MRAP: variants seen among roughly 807,000 people sequenced by gnomAD.
MRAP encodes melanocortin-2 receptor accessory protein.
Under a neutral mutation model 8.7 loss-of-function variants are expected in MRAP, and 8 were observed. The ratio of observed to expected loss-of-function variants is 0.92; its 90% CI spans 0.54 to 1.66. The LOEUF (loss-of-function observed/expected upper bound fraction) is 1.66, where lower values mean the gene tolerates loss of function less well. Ranked by LOEUF, MRAP falls within the 40% of genes most tolerant of loss-of-function variation. MRAP has a pLI of 0.00. For missense variants in MRAP, 237 were observed against 217.1 expected (o/e 1.09, Z -0.58); for synonymous variants, 95 against 95.5 (o/e 1.00, Z 0.03).
intron 1 of MRAP, among the ~76,000 whole-genome samples, chr21:32,304,974 T>G (rs1244450294): frequency 1.1e-4 from 8 of 70,172 alleles, no homozygotes; most frequent in African/African-American, 3.1e-4. Context: ...TGTTTTTTTT[T>G]TTTTTTTTTT....
intron 1 of MRAP, 76 bp downstream of exon 1, chr21:32,299,153 C>A: frequency 8.9e-7 from 1 of 1,118,374 alleles, no homozygotes; most frequent in South Asian, 1.3e-5. Flanking sequence ...TCCCGGCTTT[C>A]TCTGCATTCA....
At position 32,311,937 on chromosome 21, in the gene MRAP, G is replaced by A. The variant is rs755085204; in HGVS notation, c.460G>A (p.Val154Ile). The part of the protein sequence containing the change: ...WELTLNGGPL[V>I]RSKPSEPPPG... ...ACTGACCCTCAATGGGGGTCCCCTC[G>A]TCAGGAGCAAGCCCAGCGAGCCTCC... Residue 154 changes from valine to isoleucine, a missense_variant, in exon 3 of 3, where the codon GTC becomes ATC. By Grantham distance (29) the Val-to-Ile change is conservative. Transcript: ENST00000303645. 92 of 1,613,516 alleles carry A rather than the reference G, an allele frequency of 5.7e-5. 1 individual carries two copies. The East Asian group carries it at 1.4e-3, about 24-fold the overall frequency.
At chr21:32,305,928 G>C (rs939851394) in intron 1 of MRAP, among the ~76,000 whole-genome samples, 6 of 152,186 alleles carry the variant, frequency 3.9e-5, no homozygotes, top group Non-Finnish European at 7.3e-5. Context: ...AGGGCCCCAG[G>C]GGGGCTAAGT....
rs372166314 is a variant in MRAP, at chr21:32,299,040, C to G, written c.69C>G (p.Leu23=). 5 of 1,614,186 alleles carry G rather than the reference C, an allele frequency of 3.1e-6. No individual in the cohort carries two copies. The highest frequency in any genetic ancestry group is 4.2e-6 in the Non-Finnish European group (5 of 1,180,012). Residue 23 remains leucine, a synonymous_variant, in exon 1 of 3, where the codon CTC becomes CTG. Transcript: ENST00000303645. Reference sequence around the variant, plus strand: ...AATACTACCTGGACTATCTGGACCTCATTCCCGTGGACGAGAAGAAGCTGA... The same window carrying G: ...AATACTACCTGGACTATCTGGACCTGATTCCCGTGGACGAGAAGAAGCTGA... The part of the protein sequence containing the change: ...SYEYYLDYLD[L]IPVDEKKLKA...
In MRAP at chr21:32,311,892, C is replaced by A. The variant is rs1420294280; in HGVS notation, c.415C>A (p.His139Asn). The change falls in exon 3 of 3, where the codon CAC (histidine) becomes AAC (asparagine). Residue 139 changes from histidine (H) to asparagine (N), a missense_variant. By Grantham distance (68) the His-to-Asn change is moderately conservative. Transcript: ENST00000303645. ...STLPLGGFQT[H>N]PTLLWELTLN... ...CTTGCCCCTCGGGGGTTTCCAGACC[C>A]ACCCCACTCTCCTCTGGGAACTGAC... 1 of 1,614,020 alleles carries A rather than the reference C, an allele frequency of 6.2e-7. No individual in the cohort carries two copies.
intron 1 of MRAP, 97 bp downstream of exon 1, chr21:32,299,174 C>T: frequency 1.2e-6 from 1 of 858,454 alleles, no homozygotes; most frequent in East Asian, 2.6e-5. Flanking sequence ...CTTATTAACT[C>T]CGGTAGACAT....
At chr21:32,305,617 GA>G (rs754802500) in intron 1 of MRAP, among the ~76,000 whole-genome samples, 10 of 152,176 alleles carry the variant, frequency 6.6e-5, no homozygotes, top group Non-Finnish European at 1.3e-4. Context: ...TCTGAATCCT[GA>G]ACAGTCCCTC....
At chr21:32,311,635 T>C (rs2032574593) in intron 2 of MRAP, 49 bp from the exon 3 acceptor site, 1 of 1,601,194 alleles carries the variant, frequency 6.2e-7, no homozygotes, top group Non-Finnish European at 8.5e-7. Flanking sequence ...CAGTATGGAC[T>C]GTTCTGCAGC....
chr21:32,293,636 C>G (rs141834755), intron 2 of MRAP, among the ~76,000 whole-genome samples: 1 of 152,246 alleles, frequency 6.6e-6, no homozygotes, highest in East Asian at 1.9e-4. Flanking sequence ...TCCCTTCTAC[C>G]TTTCTCTCCA....
chr21:32,314,181 A>G, downstream of MRAP: 1 of 196,656 alleles, frequency 5.1e-6, no homozygotes, highest in South Asian at 9.4e-5. Context: ...TAGAAAAACA[A>G]ACTTTATTTT....
Position 32,300,548 on chromosome 21 carries a change from G to A in MRAP, c.106+1471G>A, listed in dbSNP as rs969771002. Reference sequence around the variant, plus strand: ...ATGCGTCGCATGTCAGATGCGTCACGTGTCCTATGTCAGATGTTTCACACG... The same window carrying A: ...ATGCGTCGCATGTCAGATGCGTCACATGTCCTATGTCAGATGTTTCACACG... On this transcript the variant is annotated intron_variant, in intron 1 of 2. Coordinates refer to ENST00000303645, the MANE Select transcript of MRAP (RefSeq NM_001379228.1). Among the ~76,000 whole-genome samples the A allele has an allele frequency of 6.7e-5, 10 of 148,212 alleles. No individual in the cohort carries two copies. The South Asian group carries it at 8.7e-4, about 13-fold the overall frequency.
At chr21:32,300,749 G>A (rs111899739) in intron 1 of MRAP, among the ~76,000 whole-genome samples, 26 of 67,870 alleles carry the variant, frequency 3.8e-4, no homozygotes, top group East Asian at 1.9e-3. Flanking sequence ...TCAGTGTGTC[G>A]TGCGTCCTAT....
At chr21:32,294,207 T>G (rs745707955), upstream of MRAP, among the ~76,000 whole-genome samples, 1 of 152,180 alleles carries the variant, frequency 6.6e-6, no homozygotes, top group African/African-American at 2.4e-5. Flanking sequence ...CTCCACCTCC[T>G]GGGTTTACAC....
chr21:32,300,814 C>T (rs940239878), intron 1 of MRAP, among the ~76,000 whole-genome samples: 13 of 142,412 alleles, frequency 9.1e-5, no homozygotes, highest in East Asian at 8.5e-4. Context: ...ATGTCAGGGG[C>T]GTCATGTGTC....
chr21:32,307,137 A>G (rs1215333321), intron 2 of MRAP, among the ~76,000 whole-genome samples: 1 of 152,212 alleles, frequency 6.6e-6, no homozygotes, highest in African/African-American at 2.4e-5. Context: ...TGCATGTTGT[A>G]TGACTCCATT....
upstream of MRAP, among the ~76,000 whole-genome samples, chr21:32,297,857 A>C (rs568702334): frequency 6.6e-6 from 1 of 152,278 alleles, no homozygotes; most frequent in South Asian, 2.1e-4. Context: ...AACTACCCTC[A>C]AAGTGCTCCC....
At position 32,304,772 on chromosome 21, in the gene MRAP, C is replaced by T. The variant is rs78861928; in HGVS notation, c.107-1868C>T. 8.6e-3 allele frequency among the ~76,000 whole-genome samples: 1,307 copies of T among 152,128 alleles called. 34 individuals are homozygous for T. In the East Asian group the frequency reaches 0.087, roughly 10 times the overall value. On this transcript the variant is annotated intron_variant, in intron 1 of 2. Transcript: ENST00000303645. Reference sequence around the variant, plus strand: ...AACAGTTCCCTGCTCTAGGGGACTGCGTCAGTTTCTCAGCTCGGAGACAGA... The same window carrying T: ...AACAGTTCCCTGCTCTAGGGGACTGTGTCAGTTTCTCAGCTCGGAGACAGA...
At chr21:32,314,548 C>T, downstream of MRAP, 3 of 1,613,328 alleles carry the variant, frequency 1.9e-6, no homozygotes, top group Non-Finnish European at 2.5e-6. Flanking sequence ...TTTGACATTT[C>T]AGCTTTAACA....
chr21:32,307,305 T>A lies in MRAP; in HGVS notation c.206+566T>A, dbSNP rs192033132. Among the ~76,000 whole-genome samples the A allele has an allele frequency of 2.8e-3, 430 of 152,332 alleles. 1 individual carries two copies. The highest frequency in any genetic ancestry group is 4.5e-3 in the Non-Finnish European group (304 of 68,034). On this transcript the variant is annotated intron_variant, in intron 2 of 2. Transcript: ENST00000303645. ...TGTTCTAAAATTAAGCTGGGCGTGGTGGCTCACGCCTGTAATCCCAGCACT... is the reference window on the plus strand; with the variant it reads ...TGTTCTAAAATTAAGCTGGGCGTGGAGGCTCACGCCTGTAATCCCAGCACT...
Sources: gnomAD v4.1 joint callset for allele counts (sites outside exome capture counted in the v4.1 genomes callset) on GRCh38, gnomAD v4.1.1 for gene constraint, MANE v1.5 for transcripts, NCBI Gene and HGNC (gene_info 2026-07-23, HGNC 2026-07-21) for gene names.